SRCIN1: variants seen among roughly 807,000 people sequenced by gnomAD.
SRCIN1 encodes P130Cas-associated protein.
In SRCIN1, 50 loss-of-function variants were observed where a neutral mutation model predicts 116.2. That is an observed-to-expected ratio of 0.43 (90% CI 0.34 to 0.54). The LOEUF is 0.54. SRCIN1 is among the 20% of genes least tolerant of loss of function. The probability of loss-of-function intolerance (pLI) is 0.02; values close to 1 mark genes in which losing one functional copy is unlikely to be tolerated. For synonymous variants in SRCIN1, 736 were observed against 750.0 expected (o/e 0.98, Z 0.30); for missense variants, 1,446 against 1,672.0 (o/e 0.86, Z 2.36).
intron 17 of SRCIN1, among the ~76,000 whole-genome samples, chr17:38,547,241 C>A (rs1260156891): frequency 6.6e-6 from 1 of 152,188 alleles, no homozygotes; most frequent in Non-Finnish European, 1.5e-5. Flanking sequence ...GGTGTCCTGG[C>A]CCCCAGCGCA....
chr17:38,571,135 C>G (rs992307225), intron 2 of SRCIN1, among the ~76,000 whole-genome samples: 1 of 152,284 alleles, frequency 6.6e-6, no homozygotes, highest in Non-Finnish European at 1.5e-5. Context: ...CTGTCTCTTT[C>G]CAGGATTTTA....
intron 18 of SRCIN1, chr17:38,542,053 G>C (rs936403417): frequency 1.5e-5 from 2 of 136,434 alleles, no homozygotes; most frequent in South Asian, 2.3e-4. Context: ...ATGCAGGTGT[G>C]GGGGGGGTCT....
chr17:38,552,332 TC>T lies in SRCIN1; in HGVS notation c.2480+114del. 6.9e-7 allele frequency: 1 copy of T among 1,453,284 alleles called. No individual in the cohort carries two copies. The highest frequency in any genetic ancestry group is 9.1e-7 in the Non-Finnish European group (1 of 1,093,796). The allele number at this position is 1,453,284 out of a possible 1,614,324, so 90.0% of individuals were successfully genotyped here. ...TCACAGGGCAGAGCTGAGGTGCCAG[TC>T]CAGTCGGCACGCCAGTGACCTTTGG... On this transcript the variant is annotated intron_variant, in intron 13 of 18. Coordinates refer to ENST00000617146, the MANE Select transcript of SRCIN1 (RefSeq NM_025248.3). This position sits in a 1 kb window ranked among gnomAD's most constrained non-coding sequence, Gnocchi z 5.3.
intron 17 of SRCIN1, among the ~76,000 whole-genome samples, chr17:38,547,246 A>G (rs1905127799): frequency 6.6e-6 from 1 of 152,210 alleles, no homozygotes; most frequent in South Asian, 2.1e-4. Flanking sequence ...CCTGGCCCCC[A>G]GCGCAAGGCA....
Position 38,559,698 on chromosome 17 carries a change from G to T in SRCIN1, c.1912C>A (p.Pro638Thr). Residue 638 changes from proline to threonine, a missense_variant, in exon 10 of 19, where the codon CCC (proline) becomes ACC (threonine). Pro to Thr is a conservative substitution (Grantham distance 38). Transcript: ENST00000617146. ...CTAACGGCGGTAGGCTGACCTGCGG[G>T]GGTGCTGCTGGCCGAGGGCGGGGGC... ...GPPPPSASST[P>T]AGQPTAVSRL... 1 of 1,591,476 alleles carries T rather than the reference G, an allele frequency of 6.3e-7. No individual in the cohort carries two copies. The highest frequency in any genetic ancestry group is 8.5e-7 in the Non-Finnish European group (1 of 1,175,070).
At position 38,562,151 on chromosome 17, in the gene SRCIN1, G is replaced by A; in HGVS notation, c.1012C>T (p.Pro338Ser). Residue 338 changes from proline to serine, a missense_variant, in exon 7 of 19, where the codon CCT (proline) becomes TCT (serine). Transcript: ENST00000617146. The surrounding 1 kb of genome is among the most constrained non-coding windows in gnomAD (Gnocchi z 4.2). ...SRLSYAGGRP[P>S]SYAGSPVHHA... is the part of the protein sequence containing the mutation. ...TGCACCGGGCTGCCGGCGTACGAAG[G>A]CGGGCGCCCCCCGGCGTACGATAGG... The A allele has an allele frequency of 1.5e-6, 2 of 1,366,918 alleles. No individual in the cohort carries two copies. The highest frequency in any genetic ancestry group is 1.7e-5 in the South Asian group (1 of 58,258). 84.7% of individuals were successfully genotyped at this position (1,366,918 alleles called of 1,614,324 possible).
At chr17:38,570,960 A>C (rs372281144) in intron 2 of SRCIN1, among the ~76,000 whole-genome samples, 12 of 152,378 alleles carry the variant, frequency 7.9e-5, no homozygotes, top group African/African-American at 2.6e-4. Flanking sequence ...ACATGAGTGA[A>C]TCCTGCCCCT....
At chr17:38,598,767 C>T (rs1908858595) in intron 1 of SRCIN1, among the ~76,000 whole-genome samples, 1 of 152,210 alleles carries the variant, frequency 6.6e-6, no homozygotes, top group African/African-American at 2.4e-5. Context: ...GAGCCACCAG[C>T]TTGAAGTGCC....
rs149502731 is a variant in SRCIN1, at chr17:38,562,515, G to A, written c.835-187C>T. Among the ~76,000 whole-genome samples the A allele has an allele frequency of 7.9e-5, 12 of 152,338 alleles. No homozygotes were observed. The highest frequency in any genetic ancestry group is 1.3e-4 in the Non-Finnish European group (9 of 68,032). On this transcript the variant is annotated intron_variant, in intron 6 of 18. Coordinates refer to ENST00000617146, the MANE Select transcript of SRCIN1 (RefSeq NM_025248.3). The surrounding 1 kb of genome is among the most constrained non-coding windows in gnomAD (Gnocchi z 4.2). The stretch of plus-strand genomic sequence containing the variant: ...TCCTAGCATGGAGGAAAAGGTGGCC[G>A]ATGAAGAGGCACCAGAGGGGTAACC...
Position 38,568,279 on chromosome 17 carries a change from G to A in SRCIN1, c.325-48C>T, listed in dbSNP as rs1209514710. ...AGATGGTTATGAGGGGGCCCAGGAG[G>A]GGAAAAGAGGGGCAGGGGCAGGTTA... On this transcript the variant is annotated intron_variant, in intron 2 of 18. Coordinates refer to ENST00000617146, the MANE Select transcript of SRCIN1 (RefSeq NM_025248.3). This position sits in a 1 kb window ranked among gnomAD's most constrained non-coding sequence, Gnocchi z 4.5. 43 of 1,597,720 alleles carry A rather than the reference G, an allele frequency of 2.7e-5. No homozygotes were observed. Among genetic ancestry groups the A allele is most frequent in the Non-Finnish European group, 3.6e-5 (42 of 1,169,314 alleles).
chr17:38,539,950 G>C (rs1456673658), intron 18 of SRCIN1, among the ~76,000 whole-genome samples: 7 of 149,842 alleles, frequency 4.7e-5, no homozygotes, highest in Non-Finnish European at 1.0e-4. Context: ...GAACCCGGGA[G>C]GCAGAGGTTG....
intron 1 of SRCIN1, among the ~76,000 whole-genome samples, chr17:38,599,068 T>C (rs78384279): frequency 1.3e-5 from 2 of 152,068 alleles, no homozygotes; most frequent in Non-Finnish European, 2.9e-5. Flanking sequence ...ATTTTTTTTT[T>C]CTTAGCTTAA....
chr17:38,583,931 G>A (rs1907967652), intron 1 of SRCIN1, among the ~76,000 whole-genome samples: 1 of 149,240 alleles, frequency 6.7e-6, no homozygotes, highest in Non-Finnish European at 1.5e-5. Context: ...TTACCCCTAC[G>A]CCTGTTCCAG....
chr17:38,552,684 C>T lies in SRCIN1; in HGVS notation c.2332+41G>A, dbSNP rs1380822930. 1 of 1,613,220 alleles carries T rather than the reference C, an allele frequency of 6.2e-7. No homozygotes were observed. The highest frequency in any genetic ancestry group is 8.5e-7 in the Non-Finnish European group (1 of 1,179,610). ...GTGGCTGGAGTATGGCAGACTTCCCCACCCTGAACAACGTGCTGCATTCGC... is the reference window on the plus strand; with the variant it reads ...GTGGCTGGAGTATGGCAGACTTCCCTACCCTGAACAACGTGCTGCATTCGC... On this transcript the variant is annotated intron_variant, in intron 12 of 18. Coordinates refer to ENST00000617146, the MANE Select transcript of SRCIN1 (RefSeq NM_025248.3). The surrounding 1 kb of genome is among the most constrained non-coding windows in gnomAD (Gnocchi z 5.3).
chr17:38,576,686 A>T (rs1261548928), intron 2 of SRCIN1, among the ~76,000 whole-genome samples: 1 of 150,726 alleles, frequency 6.6e-6, no homozygotes, highest in Non-Finnish European at 1.5e-5. Context: ...CTCACCCCCA[A>T]ACATTTCCCT....
chr17:38,578,386 C>T lies in SRCIN1; in HGVS notation c.324+104G>A, dbSNP rs1002290675. ...TCTTCCCTCTCTGCTCCAGATGCCTCCCAGAGTTGGAATGAGCCTGGGGAC... is the reference window on the plus strand; with the variant it reads ...TCTTCCCTCTCTGCTCCAGATGCCTTCCAGAGTTGGAATGAGCCTGGGGAC... On this transcript the variant is annotated intron_variant, in intron 2 of 18. Transcript: ENST00000617146. 3 of 1,363,394 alleles carry T rather than the reference C, an allele frequency of 2.2e-6. No individual in the cohort carries two copies. The African/African-American group carries it at 4.5e-5, about 20-fold the overall frequency. 84.5% of individuals were successfully genotyped at this position (1,363,394 alleles called of 1,614,324 possible). A position where few individuals can be genotyped will look rare whatever the true frequency, so the allele number is the denominator to read the frequency against.
rs1235499135 is a variant in SRCIN1 at position 38,530,160 on chromosome 17, C to G, written c.*3137G>C. On this transcript the variant is annotated 3_prime_UTR_variant, in exon 19 of 19. Transcript: ENST00000617146. ...AGAGAGACAGAGAAAACACAGCAAC[C>G]CTTTTCCATTTAGAAATTGTCAAGT... 3 of 152,228 alleles carry G rather than the reference C, an allele frequency of 2.0e-5. No individual in the cohort carries two copies. Among genetic ancestry groups the G allele is most frequent in the African/African-American group, 4.8e-5 (2 of 41,426 alleles). The allele number at this position is 152,228 out of a possible 1,614,324, so 9.4% of individuals were successfully genotyped here.
Position 38,561,821 on chromosome 17 carries a change from C to A in SRCIN1, c.1342G>T (p.Glu448Ter). The A allele has an allele frequency of 6.7e-7, 1 of 1,482,980 alleles. No individual in the cohort carries two copies. The highest frequency in any genetic ancestry group is 2.4e-5 in the Admixed American group (1 of 41,512). 91.9% of individuals were successfully genotyped at this position (1,482,980 alleles called of 1,614,324 possible). ...YSAAALQSDL[E>*]DSLYKAAGGG... Reference sequence around the variant, plus strand: ...CCCGCCGCCTTGTACAGGGAGTCCTCCAGATCGGACTGCAGCGCGGCGGCC... The same window carrying A: ...CCCGCCGCCTTGTACAGGGAGTCCTACAGATCGGACTGCAGCGCGGCGGCC... Residue 448 changes from glutamate to a stop codon, truncating the protein, a stop_gained, in exon 7 of 19, where the codon GAG becomes TAG. Transcript: ENST00000617146. LOFTEE classifies it high-confidence loss of function.
At chr17:38,538,975 G>T (rs912822578) in intron 18 of SRCIN1, among the ~76,000 whole-genome samples, 2 of 152,140 alleles carry the variant, frequency 1.3e-5, no homozygotes, top group Non-Finnish European at 2.9e-5. Flanking sequence ...AAGACCCGGC[G>T]CCCAACACCC....
Sources: gnomAD v4.1 joint callset for allele counts (sites outside exome capture counted in the v4.1 genomes callset) on GRCh38, gnomAD v4.1.1 for gene constraint, Gnocchi (gnomAD v3.1) non-coding constraint, MANE v1.5 for transcripts, NCBI Gene and HGNC (gene_info 2026-07-23, HGNC 2026-07-21) for gene names.